PALLD: variants seen among roughly 807,000 people sequenced by gnomAD.
The protein encoded by PALLD is palladin, cytoskeletal associated protein.
PALLD carries 61 observed loss-of-function variants against 123.5 expected under a neutral mutation model. That is an observed-to-expected ratio of 0.49 (90% CI 0.40 to 0.61). The LOEUF is 0.61. Ranked by LOEUF, PALLD falls within the 20% of genes least tolerant of loss-of-function variation. The pLI, the probability that PALLD is intolerant of heterozygous loss-of-function variation, is 0.00. For synonymous variants in PALLD, 465 were observed against 496.4 expected, an observed-to-expected ratio of 0.94 and a Z score of 0.84; for missense variants, 1,273 against 1,377.0, an observed-to-expected ratio of 0.92 and a Z score of 1.20.
chr4:168,816,674 CAT>C (rs1249098062), intron 10 of PALLD, among the ~76,000 whole-genome samples: 3 of 151,968 alleles, frequency 2.0e-5, no homozygotes, highest in Non-Finnish European at 1.5e-5. Context: ...AGTGATGCAA[CAT>C]AGCAGTCTTT....
At chr4:168,815,960 A>T (rs1026778842) in intron 10 of PALLD, among the ~76,000 whole-genome samples, 1 of 152,210 alleles carries the variant, frequency 6.6e-6, no homozygotes, top group African/African-American at 2.4e-5. Flanking sequence ...GGCTAATTGC[A>T]AGAGGATTAA....
At chr4:168,864,915 CAT>C (rs1325743509) in intron 10 of PALLD, among the ~76,000 whole-genome samples, 4 of 152,220 alleles carry the variant, frequency 2.6e-5, no homozygotes, top group Admixed American at 6.5e-5. Flanking sequence ...TATACACAGT[CAT>C]ATATAACCAC....
intron 10 of PALLD, among the ~76,000 whole-genome samples, chr4:168,833,542 A>C (rs1427748959): frequency 6.6e-6 from 1 of 152,096 alleles, no homozygotes; most frequent in Non-Finnish European, 1.5e-5. Context: ...ATAAGCCTTG[A>C]AAAGCTCCCC....
intron 11 of PALLD, among the ~76,000 whole-genome samples, chr4:168,894,012 G>A (rs1279589282): frequency 6.6e-6 from 1 of 152,192 alleles, no homozygotes; most frequent in Non-Finnish European, 1.5e-5. Context: ...AATGCTCTTA[G>A]AGGTAAGAAC....
intron 10 of PALLD, among the ~76,000 whole-genome samples, chr4:168,750,781 C>T (rs1487211583): frequency 6.6e-6 from 1 of 152,106 alleles, no homozygotes; most frequent in Non-Finnish European, 1.5e-5. Context: ...CCTTAAGGCC[C>T]TTCTCAAATA....
chr4:168,500,471 C>T (rs541445286), intron 1 of PALLD, among the ~76,000 whole-genome samples: 1 of 152,266 alleles, frequency 6.6e-6, no homozygotes, highest in South Asian at 2.1e-4. Context: ...TCAGACAATC[C>T]TCCCACCTCA....
At chr4:168,634,846 G>A (rs1453669295) in intron 2 of PALLD, among the ~76,000 whole-genome samples, 1 of 152,120 alleles carries the variant, frequency 6.6e-6, no homozygotes, top group African/African-American at 2.4e-5. Flanking sequence ...TGGCTGAACT[G>A]GCTCACAGTG....
At chr4:168,924,134 C>T in intron 18 of PALLD, 121 bp from the exon 19 acceptor site, 1 of 822,696 alleles carries the variant, frequency 1.2e-6, no homozygotes, top group Non-Finnish European at 2.0e-6. Flanking sequence ...CATCTTACCA[C>T]CTGGAGTAAA....
Position 168,903,740 on chromosome 4 carries a change from T to C in PALLD, c.2473-17T>C. 6.2e-7 allele frequency: 1 copy of C among 1,602,208 alleles called. No homozygotes were observed. Among genetic ancestry groups the C allele is most frequent in the Non-Finnish European group, 8.6e-7 (1 of 1,169,516 alleles). ...ATACACAAACTCCTAATCTTTAATCTTTGTTTCTATTCACAGATCTATTGG... is the reference window on the plus strand; with the variant it reads ...ATACACAAACTCCTAATCTTTAATCCTTGTTTCTATTCACAGATCTATTGG... On this transcript the variant is annotated splice_polypyrimidine_tract_variant and intron_variant, in intron 14 of 21. Transcript: ENST00000505667.
intron 10 of PALLD, among the ~76,000 whole-genome samples, chr4:168,775,767 G>T (rs1008730487): frequency 6.6e-6 from 1 of 152,092 alleles, no homozygotes; most frequent in African/African-American, 2.4e-5. Context: ...GCATTTGATT[G>T]TTCCAGCACC....
At chr4:168,904,265 A>T (rs1757155424) in intron 15 of PALLD, 1 of 261,724 alleles carries the variant, frequency 3.8e-6, no homozygotes, top group Non-Finnish European at 7.6e-6. Flanking sequence ...AAGAAAATAA[A>T]GGAGAAAAAG....
intron 2 of PALLD, among the ~76,000 whole-genome samples, chr4:168,518,349 G>A (rs532653515): frequency 6.6e-6 from 1 of 152,284 alleles, no homozygotes; most frequent in South Asian, 2.1e-4. Context: ...AGCACTCAGA[G>A]TAATTCTTTT....
At chr4:168,741,370 C>T (rs987418598) in intron 10 of PALLD, among the ~76,000 whole-genome samples, 1 of 137,778 alleles carries the variant, frequency 7.3e-6, no homozygotes, top group African/African-American at 3.1e-5. Context: ...TGTGTGTGAT[C>T]TTTTTGATAA....
chr4:168,612,178 G>A (rs1428045625), intron 2 of PALLD, among the ~76,000 whole-genome samples: 1 of 149,284 alleles, frequency 6.7e-6, no homozygotes, highest in Non-Finnish European at 1.5e-5. Context: ...AAATAAAAAT[G>A]TCCACCACAG....
intron 2 of PALLD, among the ~76,000 whole-genome samples, chr4:168,579,816 T>C (rs928326469): frequency 6.6e-6 from 1 of 152,076 alleles, no homozygotes; most frequent in Non-Finnish European, 1.5e-5. Context: ...GATATACATA[T>C]ATGTTGTAAA....
At chr4:168,624,597 T>C (rs1775063561) in intron 2 of PALLD, among the ~76,000 whole-genome samples, 1 of 152,146 alleles carries the variant, frequency 6.6e-6, no homozygotes, top group Non-Finnish European at 1.5e-5. Context: ...ACCTAATAGA[T>C]AATGAAATTT....
At chr4:168,622,299 G>A (rs571122211) in intron 2 of PALLD, among the ~76,000 whole-genome samples, 12 of 152,176 alleles carry the variant, frequency 7.9e-5, no homozygotes, top group Non-Finnish European at 7.4e-5. Context: ...GAATCACGAG[G>A]GTGCTTTTCT....
In PALLD at chr4:168,924,952, C is replaced by G. The variant is rs1462694978; in HGVS notation, c.3232C>G (p.Gln1078Glu). 1.2e-6 allele frequency: 2 copies of G among 1,614,060 alleles called. No homozygotes were observed. Among genetic ancestry groups the G allele is most frequent in the South Asian group, 1.1e-5 (1 of 91,082 alleles). ...THSTDRVSMHQDNHGYICLLI... is the reference protein window; with the variant it reads ...THSTDRVSMHEDNHGYICLLI... ...CTTTATCCTTTTCTCCAGCATGCACCAGGACAACCACGGCTACATCTGCCT... is the reference window on the plus strand; with the variant it reads ...CTTTATCCTTTTCTCCAGCATGCACGAGGACAACCACGGCTACATCTGCCT... Residue 1078 changes from glutamine to glutamate, a missense_variant, in exon 20 of 22, where the codon CAG (glutamine) becomes GAG (glutamate). This residue lies in a region of PALLD where 329 missense variants were observed against 422.5 expected (regional missense o/e 0.78). Coordinates refer to ENST00000505667, the MANE Select transcript of PALLD (RefSeq NM_001166108.2).
Position 168,711,186 on chromosome 4 carries a change from G to A in PALLD, c.1622-395G>A, listed in dbSNP as rs151251521. Among the ~76,000 whole-genome samples, 310 of 152,310 alleles carry A rather than the reference G, an allele frequency of 2.0e-3. 2 individuals carry two copies. The highest frequency in any genetic ancestry group is 7.2e-3 in the African/African-American group (298 of 41,576). ...TATCCACATAAAACCTTTACAGCTT[G>A]AGCCAATTTGAGTAGTGACAGCTAG... On this transcript the variant is annotated intron_variant, in intron 9 of 21. Transcript: ENST00000505667.
Sources: allele counts gnomAD v4.1 joint callset (sites outside exome capture counted in the v4.1 genomes callset), GRCh38; gene constraint gnomAD v4.1.1; regional missense constraint gnomAD v4.1.1; transcripts MANE v1.5; gene names NCBI Gene and HGNC (gene_info 2026-07-23, HGNC 2026-07-21).